Variants in PGAP6 observed in about 807,000 individuals in gnomAD.
PGAP6 encodes post-GPI attachment to proteins factor 6.
PGAP6 carries 62 observed loss-of-function variants against 68.4 expected under a neutral mutation model. The observed-to-expected ratio is 0.91, with a 90% CI of 0.74 to 1.12. PGAP6 has a LOEUF of 1.12. Among genes scored for constraint, PGAP6 ranks in the 50% most tolerant of loss-of-function variants. PGAP6 has a pLI of 0.00. For missense variants in PGAP6, 1,188 were observed against 1,068.5 expected, an observed-to-expected ratio of 1.11 and a Z score of -1.56; for synonymous variants, 575 against 474.0, an observed-to-expected ratio of 1.21 and a Z score of -2.77.
upstream of PGAP6, chr16:382,044 CG>C (rs541482913): frequency 0.26 from 120,741 of 470,296 alleles, 18,786 homozygotes; most frequent in African/African-American, 0.39. Context: ...GGGGCGGGAC[CG>C]GGGGGGGCGC....
intron 12 of PGAP6, 88 bp from the exon 13 acceptor site, chr16:372,371 G>C (rs2054342714): frequency 1.4e-6 from 2 of 1,414,652 alleles, no homozygotes; most frequent in South Asian, 1.3e-5. Flanking sequence ...CTGGGGGCCT[G>C]CCCAGGTCTG....
At chr16:386,570 C>T (rs1032154930), upstream of PGAP6, 1 of 330,160 alleles carries the variant, frequency 3.0e-6, no homozygotes, top group African/African-American at 2.2e-5. Context: ...CACAGGTGCC[C>T]AGACATCAGA....
intron 1 of PGAP6, among the ~76,000 whole-genome samples, chr16:379,153 G>C (rs2054417697): frequency 6.6e-6 from 1 of 152,308 alleles, no homozygotes; most frequent in Non-Finnish European, 1.5e-5. Context: ...CAGGGGGCGG[G>C]ACCCTCCCCT....
upstream of PGAP6, among the ~76,000 whole-genome samples, chr16:383,776 G>A (rs1311798388): frequency 6.6e-6 from 1 of 152,222 alleles, no homozygotes; most frequent in Non-Finnish European, 1.5e-5. Context: ...GAGAGGCGGG[G>A]TGGGGATGGG....
intron 7 of PGAP6, 38 bp from the exon 8 acceptor site, chr16:375,294 G>C: frequency 6.2e-7 from 1 of 1,612,680 alleles, no homozygotes; most frequent in Non-Finnish European, 8.5e-7. Context: ...GAGGAGGCCG[G>C]GGCGGGGGGC....
At chr16:382,384 C>T, upstream of PGAP6, 2 of 377,836 alleles carry the variant, frequency 5.3e-6, no homozygotes. Context: ...GGAACCCGCG[C>T]CCTGCCCTGC....
intron 5 of PGAP6, 31 bp from the exon 6 acceptor site, chr16:376,486 G>T: frequency 6.5e-7 from 1 of 1,546,294 alleles, no homozygotes; most frequent in Non-Finnish European, 8.7e-7. Context: ...TTGGCTGGAG[G>T]AAAGTCTGGG....
At chr16:382,397 C>A (rs2054452126), upstream of PGAP6, 1 of 377,754 alleles carries the variant, frequency 2.6e-6, no homozygotes. Context: ...TGCCCTGCCC[C>A]GCCCGGCGCG....
upstream of PGAP6, among the ~76,000 whole-genome samples, chr16:385,575 T>G (rs1166912151): frequency 1.2e-4 from 18 of 149,390 alleles, no homozygotes; most frequent in South Asian, 1.6e-3. Flanking sequence ...CCTCCCAAAA[T>G]GCTGGGATTA....
intron 1 of PGAP6, 78 bp from the exon 2 acceptor site, chr16:377,926 G>A (rs908804580): frequency 3.9e-6 from 5 of 1,297,586 alleles, no homozygotes; most frequent in South Asian, 3.0e-5. Flanking sequence ...TCCCCCAGAT[G>A]GAAAGGGCTG....
At position 377,031 on chromosome 16, in the gene PGAP6, G is replaced by A. The variant is rs777543536; in HGVS notation, c.635+6C>T. ...GAGCCGGGCTGCCCCCCAGGCCCCC[G>A]CTCACTTGAGGTAGCTGGGATGGGA... On this transcript the variant is annotated splice_donor_region_variant and intron_variant, in intron 4 of 12. Coordinates refer to ENST00000431232, the MANE Select transcript of PGAP6 (RefSeq NM_021259.3). 49 of 1,612,580 alleles carry A rather than the reference G, an allele frequency of 3.0e-5. No homozygotes were observed. Among genetic ancestry groups the A allele is most frequent in the African/African-American group, 5.3e-5 (4 of 75,058 alleles).
upstream of PGAP6, among the ~76,000 whole-genome samples, chr16:382,715 C>T (rs1285424334): frequency 6.9e-6 from 1 of 144,342 alleles, no homozygotes; most frequent in Non-Finnish European, 1.5e-5. Context: ...AAGCGTGGCA[C>T]AGAGTCCAGA....
At chr16:380,857 A>C (rs2054431153) in intron 1 of PGAP6, among the ~76,000 whole-genome samples, 1 of 152,002 alleles carries the variant, frequency 6.6e-6, no homozygotes, top group South Asian at 2.1e-4. Context: ...GCTGCCGGGC[A>C]CCTGGGCACC....
intron 1 of PGAP6, among the ~76,000 whole-genome samples, chr16:378,238 A>ACCCGGACCCCCT (rs2054405838): frequency 1.4e-5 from 2 of 144,100 alleles, no homozygotes; most frequent in Non-Finnish European, 3.0e-5. Flanking sequence ...TGCCATCGCC[A>ACCCGGACCCCCT]CCCGCACTGC....
rs1486929752 is a variant in PGAP6, at chr16:377,695, G to A, written c.275C>T (p.Ala92Val). The A allele has an allele frequency of 6.3e-7, 1 of 1,591,554 alleles. No individual in the cohort carries two copies. Among genetic ancestry groups the A allele is most frequent in the Admixed American group, 1.8e-5 (1 of 56,580 alleles). ...CACGGTGATCTCCGCGTCGGTGCAG[G>A]CAGCGCCGCTCTCCCGGGAGACCTG... ...LLQVSRESGAACTDAEITVHF... is the reference protein window; with the variant it reads ...LLQVSRESGAVCTDAEITVHF... The change falls in exon 2 of 13, where the codon GCC becomes GTC. Residue 92 changes from alanine to valine, a missense_variant. By Grantham distance (64) the Ala-to-Val change is moderately conservative. Transcript: ENST00000431232.
chr16:374,245 G>A lies in PGAP6; in HGVS notation c.1731C>T (p.Tyr577=), dbSNP rs775742946. The part of the protein sequence containing the change: ...RRFFLVEASV[Y]AYTMFFSTFY... ...CCGTGGAGAAGAACATGGTGTAGGCGTAGACGGAGGCCTCCACCAGGAAGA... is the reference window on the plus strand; with the variant it reads ...CCGTGGAGAAGAACATGGTGTAGGCATAGACGGAGGCCTCCACCAGGAAGA... The change falls in exon 10 of 13, where the codon TAC becomes TAT. Residue 577 remains tyrosine (Y), a synonymous_variant. Coordinates refer to ENST00000431232, the MANE Select transcript of PGAP6 (RefSeq NM_021259.3). 1.5e-5 allele frequency: 24 copies of A among 1,608,524 alleles called. No individual in the cohort carries two copies. The highest frequency in any genetic ancestry group is 6.7e-5 in the East Asian group (3 of 44,876).
Position 376,634 on chromosome 16 carries a change from G to T in PGAP6, c.814C>A (p.Pro272Thr), listed in dbSNP as rs779244055. The change falls in exon 5 of 13, where the codon CCG becomes ACG. Residue 272 changes from proline to threonine, a missense_variant. Coordinates refer to ENST00000431232, the MANE Select transcript of PGAP6 (RefSeq NM_021259.3). ...ACTTGCAGCCACCGGTCCCAGGGCG[G>T]TGAGGGCAGCAGCAGGCGGCAGGGC... ...PWPCRLLLPS[P>T]PWDRWLQVTA... is the part of the protein sequence containing the mutation. 8 of 1,604,590 alleles carry T rather than the reference G, an allele frequency of 5.0e-6. No homozygotes were observed. The highest frequency in any genetic ancestry group is 6.8e-6 in the Non-Finnish European group (8 of 1,175,370).
chr16:376,131 G>A lies in PGAP6; in HGVS notation c.1224+5C>T, dbSNP rs752809521. 2.5e-6 allele frequency: 4 copies of A among 1,597,676 alleles called. No individual in the cohort carries two copies. Among genetic ancestry groups the A allele is most frequent in the African/African-American group, 2.7e-5 (2 of 74,716 alleles). Reference sequence around the variant, plus strand: ...GGCCACAGGCCGCTTGCAGACAGCAGGTACCTTGTTGGCCCGCAGGGAGAT... The same window carrying A: ...GGCCACAGGCCGCTTGCAGACAGCAAGTACCTTGTTGGCCCGCAGGGAGAT... On this transcript the variant is annotated splice_donor_5th_base_variant and intron_variant, in intron 6 of 12. Coordinates refer to ENST00000431232, the MANE Select transcript of PGAP6 (RefSeq NM_021259.3).
chr16:377,627 G>A, intron 2 of PGAP6, 42 bp from the exon 3 acceptor site: 1 of 1,569,646 alleles, frequency 6.4e-7, no homozygotes, highest in Non-Finnish European at 8.6e-7. Context: ...CACAGGGCTT[G>A]GCCAGGCGCG....
Sources: gnomAD v4.1 joint callset for allele counts (sites outside exome capture counted in the v4.1 genomes callset) on GRCh38, gnomAD v4.1.1 for gene constraint, MANE v1.5 for transcripts, NCBI Gene and HGNC (gene_info 2026-07-23, HGNC 2026-07-21) for gene names.